The following WNK2 variants were observed in gnomAD, a reference collection of about 807,000 sequenced individuals.
WNK2 encodes the protein serine/threonine-protein kinase WNK2.
In WNK2, 67 loss-of-function variants were observed where a neutral mutation model predicts 192.1. The ratio of observed to expected loss-of-function variants is 0.35; its 90% CI spans 0.29 to 0.43. The LOEUF (loss-of-function observed/expected upper bound fraction) is 0.43, where lower values mean the gene tolerates loss of function less well. Ranked by LOEUF, WNK2 falls within the 20% of genes least tolerant of loss-of-function variation. The pLI is 1.00. For synonymous variants in WNK2, 1,439 were observed against 1,393.9 expected (o/e 1.03, Z -0.72); for missense variants, 2,698 against 3,089.7 (o/e 0.87, Z 3.01).
At chr9:93,238,386 T>TGA in intron 6 of WNK2, 65 bp downstream of exon 6, 1 of 1,477,416 alleles carries the variant, frequency 6.8e-7, no homozygotes, top group Non-Finnish European at 9.4e-7. Flanking sequence ...CAGCTTGCAT[T>TGA]GAGAGCTGTG....
At position 93,259,013 on chromosome 9, in the gene WNK2, C is replaced by T. The variant is rs1339318270; in HGVS notation, c.2465C>T (p.Thr822Ile). ...CCTCCGGCCCTCCCAGACCTGCCGA[C>T]CGCGACTGTGCCTCCCGTGCCACCA... ...GLPPALPDLP[T>I]ATVPPVPPPQ... The change falls in exon 12 of 30, where the codon ACC (threonine) becomes ATC (isoleucine). Residue 822 changes from threonine (T) to isoleucine (I), a missense_variant. Around this residue, in one of 7 missense-constraint regions of WNK2, gnomAD observed 893 missense variants for 909.0 expected, o/e 0.98. Coordinates refer to ENST00000427277, the MANE Select transcript of WNK2 (RefSeq NM_006648.4). This position sits in a 1 kb window ranked among gnomAD's most constrained non-coding sequence, Gnocchi z 4.8. The T allele has an allele frequency of 6.2e-7, 1 of 1,612,928 alleles. No homozygotes were observed. Among genetic ancestry groups the T allele is most frequent in the East Asian group, 2.2e-5 (1 of 44,840 alleles).
intron 9 of WNK2, among the ~76,000 whole-genome samples, chr9:93,255,474 C>T (rs1208284807): frequency 6.6e-6 from 1 of 152,208 alleles, no homozygotes; most frequent in Admixed American, 6.5e-5. Context: ...CAGCTTGATC[C>T]CAGATACACT....
rs141279663 is a variant in WNK2 at position 93,292,513 on chromosome 9, C to T, written c.5048C>T (p.Pro1683Leu). The part of the protein sequence containing the change: ...VPQDVPAFVR[P>L]ARVEPTDRDG... ...AAGGATGTACCTGCTTTTGTGAGAC[C>T]TGCACGTGTGGAGCCCACAGACAGG... The change falls in exon 23 of 30, where the codon CCT becomes CTT. Residue 1683 changes from proline (P) to leucine (L), a missense_variant. Around this residue, in one of 7 missense-constraint regions of WNK2, gnomAD observed 1,098 missense variants for 1,101.0 expected, o/e 1.00. Coordinates refer to ENST00000427277, the MANE Select transcript of WNK2 (RefSeq NM_006648.4). 6.3e-7 allele frequency: 1 copy of T among 1,590,300 alleles called. No homozygotes were observed. The highest frequency in any genetic ancestry group is 8.6e-7 in the Non-Finnish European group (1 of 1,166,434).
rs764945379 is a variant in WNK2, at chr9:93,252,902, C to T, written c.1854C>T (p.Ser618=). Residue 618 remains serine, a synonymous_variant, in exon 9 of 30, where the codon AGC becomes AGT. Coordinates refer to ENST00000427277, the MANE Select transcript of WNK2 (RefSeq NM_006648.4). ...CCCCAGCGGACAGCACCTTCGACAG[C>T]GGCCAGGGCTCTACCGTGTACTCAG... ...TSLASDSTFD[S]GQGSTVYSDS... is the part of the protein sequence containing the mutation. The T allele has an allele frequency of 1.7e-5, 26 of 1,504,508 alleles. No individual in the cohort carries two copies. Among genetic ancestry groups the T allele is most frequent in the East Asian group, 1.6e-4 (6 of 38,338 alleles). The allele number at this position is 1,504,508 out of a possible 1,614,324, so 93.2% of individuals were successfully genotyped here.
At chr9:93,296,293 A>G (rs116833172) in intron 23 of WNK2, among the ~76,000 whole-genome samples, 416 of 3,374 alleles carry the variant, frequency 0.12, 34 homozygotes, top group Middle Eastern at 0.2. Flanking sequence ...TCCTCCCCTC[A>G]CCTTCCTCCC....
intron 29 of WNK2, chr9:93,319,152 G>A (rs1037768891): frequency 9.9e-6 from 16 of 1,613,930 alleles, no homozygotes; most frequent in African/African-American, 1.3e-5. Flanking sequence ...TCAGTGGCAC[G>A]GAATCCCCAA....
rs908899563 is a variant in WNK2, at chr9:93,312,027, G to A, written c.6516+3443G>A. ...TCCTAATTGAGTAGTGATATTGAGC[G>A]GCTTTTCATGTGCTTATTGGCTGTT... On this transcript the variant is annotated intron_variant, in intron 28 of 29. Coordinates refer to ENST00000427277, the MANE Select transcript of WNK2 (RefSeq NM_006648.4). 3.9e-4 allele frequency among the ~76,000 whole-genome samples: 60 copies of A among 152,230 alleles called. 1 individual carries two copies. Among genetic ancestry groups the A allele is most frequent in the African/African-American group, 1.4e-3 (57 of 41,530 alleles).
Position 93,259,186 on chromosome 9 carries a change from G to C in WNK2, c.2638G>C (p.Ala880Pro). ...AMPCRTIVPN[A>P]PATIPLLAVA... ...GCCCTGCCGGACCATTGTGCCAAATGCACCGGCCACTATCCCCCTGCTGGC... is the reference window on the plus strand; with the variant it reads ...GCCCTGCCGGACCATTGTGCCAAATCCACCGGCCACTATCCCCCTGCTGGC... The change falls in exon 12 of 30, where the codon GCA becomes CCA. Residue 880 changes from alanine (A) to proline (P), a missense_variant. By Grantham distance (27) the Ala-to-Pro change is conservative. Coordinates refer to ENST00000427277, the MANE Select transcript of WNK2 (RefSeq NM_006648.4). The surrounding 1 kb of genome is among the most constrained non-coding windows in gnomAD (Gnocchi z 4.8). 6.2e-7 allele frequency: 1 copy of C among 1,612,482 alleles called. No individual in the cohort carries two copies. The highest frequency in any genetic ancestry group is 8.5e-7 in the Non-Finnish European group (1 of 1,179,714).
At chr9:93,253,320 C>T (rs1247317057) in intron 9 of WNK2, among the ~76,000 whole-genome samples, 1 of 151,708 alleles carries the variant, frequency 6.6e-6, no homozygotes, top group Non-Finnish European at 1.5e-5. Flanking sequence ...GTAGCCCTGA[C>T]ATTCCTGTAA....
At chr9:93,190,873 A>G (rs1036191210) in intron 2 of WNK2, among the ~76,000 whole-genome samples, 1 of 152,332 alleles carries the variant, frequency 6.6e-6, no homozygotes, top group South Asian at 2.1e-4. Context: ...AGAGGATATA[A>G]CAGACCCAGG....
chr9:93,292,212 C>A, intron 21 of WNK2, 96 bp from the exon 22 acceptor site: 1 of 1,303,552 alleles, frequency 7.7e-7, no homozygotes, highest in South Asian at 1.2e-5. Flanking sequence ...GGAGGCACTC[C>A]CATGGGATCA....
At chr9:93,217,547 G>A (rs1835971660) in intron 2 of WNK2, among the ~76,000 whole-genome samples, 1 of 152,200 alleles carries the variant, frequency 6.6e-6, no homozygotes, top group African/African-American at 2.4e-5. Flanking sequence ...GCCAGTTCTG[G>A]GAGGTACTGA....
intron 19 of WNK2, among the ~76,000 whole-genome samples, chr9:93,278,834 T>C (rs1294704347): frequency 6.6e-6 from 1 of 152,180 alleles, no homozygotes; most frequent in Non-Finnish European, 1.5e-5. Flanking sequence ...CAAAAAGCTA[T>C]AGAAGTGTAA....
intron 2 of WNK2, among the ~76,000 whole-genome samples, chr9:93,205,928 A>G (rs1172359383): frequency 3.3e-5 from 5 of 152,078 alleles, no homozygotes; most frequent in Admixed American, 1.3e-4. Context: ...CAAGAGGAAA[A>G]TCAGGGGTGG....
intron 23 of WNK2, 96 bp from the exon 24 acceptor site, chr9:93,297,757 C>A: frequency 7.6e-7 from 1 of 1,313,844 alleles, no homozygotes; most frequent in Non-Finnish European, 1.0e-6. Context: ...CACCCTTCAT[C>A]CCATGTTCTC....
intron 29 of WNK2, chr9:93,319,004 ATCT>A: frequency 1.3e-6 from 2 of 1,515,196 alleles, no homozygotes; most frequent in Non-Finnish European, 1.8e-6. Flanking sequence ...ATTATGCAGA[ATCT>A]TCTGCCAGGG....
chr9:93,253,726 C>T lies in WNK2; in HGVS notation c.2034+644C>T, dbSNP rs549452714. 5.3e-5 allele frequency among the ~76,000 whole-genome samples: 8 copies of T among 152,226 alleles called. No individual in the cohort carries two copies. The South Asian group carries it at 1.0e-3, about 20-fold the overall frequency. ...GATGGAACCTCGGGCTGTGACGACA[C>T]GTGTGGGTTGATTCCCACGGGAAAG... On this transcript the variant is annotated intron_variant, in intron 9 of 29. Transcript: ENST00000427277.
chr9:93,316,507 G>C (rs1486775107), intron 28 of WNK2: 1 of 152,242 alleles, frequency 6.6e-6, no homozygotes, highest in African/African-American at 2.4e-5. Flanking sequence ...TGATGTTTTG[G>C]AATGCTATTA....
intron 10 of WNK2, 186 bp downstream of exon 10, chr9:93,256,640 C>T (rs1843341956): frequency 5.5e-6 from 4 of 725,448 alleles, no homozygotes; most frequent in Non-Finnish European, 8.7e-6. Context: ...TGTGTGTGTA[C>T]GTGTGTGTGT....
Sources: allele counts gnomAD v4.1 joint callset (sites outside exome capture counted in the v4.1 genomes callset), GRCh38; gene constraint gnomAD v4.1.1; regional missense constraint gnomAD v4.1.1; non-coding constraint Gnocchi (gnomAD v3.1); transcripts MANE v1.5; gene names NCBI Gene and HGNC (gene_info 2026-07-23, HGNC 2026-07-21).